Variants in PMM2 observed in about 807,000 individuals in gnomAD.
The protein encoded by PMM2 is mannose-6-phosphate isomerase.
PMM2 carries 35 observed loss-of-function variants against 33.2 expected under a neutral mutation model. The observed-to-expected ratio is 1.06, with a 90% CI of 0.81 to 1.40. The LOEUF is 1.40. PMM2 is among the 40% of genes most tolerant of loss of function. PMM2 has a pLI of 0.00. For synonymous variants in PMM2, 153 were observed against 114.7 expected (o/e 1.33, Z -2.13); for missense variants, 386 against 306.0 (o/e 1.26, Z -1.95).
intron 7 of PMM2, among the ~76,000 whole-genome samples, chr16:8,827,859 T>TATATAATATATG (rs1166628650): frequency 0.015 from 1,350 of 87,948 alleles, 41 homozygotes; most frequent in African/African-American, 0.053. Context: ...ATATATATGT[T>TATATAATATATG]ATATATTATA....
At chr16:8,805,153 C>T (rs551551218) in intron 3 of PMM2, among the ~76,000 whole-genome samples, 3 of 152,242 alleles carry the variant, frequency 2.0e-5, no homozygotes, top group South Asian at 2.1e-4. Flanking sequence ...CGCCTACCTC[C>T]GCCTCCCTGG....
chr16:8,809,276 G>A (rs1377581054), intron 4 of PMM2: 1 of 152,172 alleles, frequency 6.6e-6, no homozygotes, highest in African/African-American at 2.4e-5. Context: ...AAAAAGATGA[G>A]GGAAAATGTT....
intron 7 of PMM2, among the ~76,000 whole-genome samples, chr16:8,827,823 AT>A (rs1398545851): frequency 2.0e-5 from 2 of 100,774 alleles, no homozygotes; most frequent in African/African-American, 7.1e-5. Flanking sequence ...TATATAATAT[AT>A]ATTATATATA....
chr16:8,832,056 A>T (rs892540965), intron 7 of PMM2: 1 of 785,432 alleles, frequency 1.3e-6, no homozygotes, highest in East Asian at 1.3e-4. Flanking sequence ...CTCTAGCCTT[A>T]TTATTCTAGA....
At chr16:8,806,751 T>C in intron 4 of PMM2, 1 of 329,260 alleles carries the variant, frequency 3.0e-6, no homozygotes. Flanking sequence ...AAATGATGGC[T>C]TATCCACATG....
At chr16:8,836,241 A>G (rs2060846106) in intron 7 of PMM2, among the ~76,000 whole-genome samples, 1 of 151,796 alleles carries the variant, frequency 6.6e-6, no homozygotes, top group African/African-American at 2.4e-5. Flanking sequence ...GGCGTCCGTG[A>G]TGGTTTATGG....
At chr16:8,812,848 G>A (rs770123428) in intron 6 of PMM2, 143 bp from the exon 7 acceptor site, 7 of 685,106 alleles carry the variant, frequency 1.0e-5, no homozygotes, top group Non-Finnish European at 1.9e-5. Context: ...TATGCATGAA[G>A]TAGTCTAAGT....
chr16:8,801,771 C>G (rs1201302759), intron 1 of PMM2, 28 bp from the exon 2 acceptor site: 1 of 1,349,672 alleles, frequency 7.4e-7, no homozygotes, highest in Admixed American at 1.7e-5. Context: ...TGGCTTATGA[C>G]TGTTGTATTT....
chr16:8,826,688 T>G (rs777961635), intron 7 of PMM2, among the ~76,000 whole-genome samples: 4 of 152,232 alleles, frequency 2.6e-5, no homozygotes, highest in Non-Finnish European at 4.4e-5. Flanking sequence ...AGTGCTTATT[T>G]TTTAAGCCAA....
chr16:8,834,925 C>A (rs1016558563), intron 7 of PMM2, among the ~76,000 whole-genome samples: 5 of 151,922 alleles, frequency 3.3e-5, no homozygotes, highest in African/African-American at 1.2e-4. Flanking sequence ...GAGGTCCGGG[C>A]CAGGAACAAT....
intron 7 of PMM2, among the ~76,000 whole-genome samples, chr16:8,845,011 G>A (rs139985168): frequency 5.3e-5 from 8 of 152,210 alleles, no homozygotes; most frequent in African/African-American, 1.9e-4. Context: ...CTCCCGATCT[G>A]AGTCACGGCA....
At chr16:8,825,833 G>A (rs2060764628) in intron 7 of PMM2, among the ~76,000 whole-genome samples, 1 of 142,828 alleles carries the variant, frequency 7.0e-6, no homozygotes, top group South Asian at 2.2e-4. Context: ...TCAGCTCACT[G>A]CAACCTCTGC....
At chr16:8,833,383 G>A (rs2060822856) in intron 7 of PMM2, among the ~76,000 whole-genome samples, 2 of 152,338 alleles carry the variant, frequency 1.3e-5, no homozygotes, top group South Asian at 4.1e-4. Flanking sequence ...TACTTTTGCG[G>A]ATCTTCAGTT....
chr16:8,817,109 T>G (rs11643869), intron 7 of PMM2, among the ~76,000 whole-genome samples: 60,466 of 152,092 alleles, frequency 0.4, 12,428 homozygotes, highest in Non-Finnish European at 0.46. Context: ...ATGAGTGTGC[T>G]TTCCACTACG....
intron 7 of PMM2, among the ~76,000 whole-genome samples, chr16:8,834,121 T>C (rs1289925309): frequency 4.6e-5 from 7 of 152,324 alleles, no homozygotes; most frequent in African/African-American, 1.4e-4. Flanking sequence ...GGAGCTTACA[T>C]GGGCTGTACC....
At chr16:8,806,091 T>G (rs2060646154) in intron 3 of PMM2, among the ~76,000 whole-genome samples, 1 of 152,158 alleles carries the variant, frequency 6.6e-6, no homozygotes, top group Non-Finnish European at 1.5e-5. Flanking sequence ...AAATCTTGGG[T>G]GATGAAGCAG....
At chr16:8,816,350 T>A (rs929163341) in intron 7 of PMM2, among the ~76,000 whole-genome samples, 2 of 151,558 alleles carry the variant, frequency 1.3e-5, no homozygotes, top group Non-Finnish European at 2.9e-5. Flanking sequence ...GGTCTCGAAC[T>A]CATGACCTGA....
intron 1 of PMM2, among the ~76,000 whole-genome samples, chr16:8,799,469 T>C (rs1447532595): frequency 6.6e-6 from 1 of 152,186 alleles, no homozygotes; most frequent in African/African-American, 2.4e-5. Context: ...ATTTCCTATC[T>C]GTGCTAAGGT....
chr16:8,820,564 G>T (rs888340159), intron 7 of PMM2, among the ~76,000 whole-genome samples: 2 of 152,068 alleles, frequency 1.3e-5, no homozygotes, highest in Non-Finnish European at 2.9e-5. Flanking sequence ...ATCTTGGCCA[G>T]GCTGGTCTTG....
Sources: allele counts gnomAD v4.1 joint callset (sites outside exome capture counted in the v4.1 genomes callset), GRCh38; gene constraint gnomAD v4.1.1; transcripts MANE v1.5; gene names NCBI Gene and HGNC (gene_info 2026-07-23, HGNC 2026-07-21).